The following CTNNA3 variants were observed in gnomAD, a reference collection of about 807,000 sequenced individuals.
The protein encoded by CTNNA3 is catenin alpha 3.
Under a neutral mutation model 95.7 loss-of-function variants are expected in CTNNA3, and 76 were observed. The observed-to-expected ratio is 0.79, with a 90% CI of 0.66 to 0.96. The LOEUF is 0.96. CTNNA3 is among the 40% of genes least tolerant of loss of function. The pLI is 0.00. For missense variants in CTNNA3, 1,191 were observed against 1,089.8 expected (o/e 1.09, Z -1.31); for synonymous variants, 431 against 374.4 (o/e 1.15, Z -1.74).
chr10:66,527,016 G>A (rs1017989398), intron 10 of CTNNA3, among the ~76,000 whole-genome samples: 2 of 152,024 alleles, frequency 1.3e-5, no homozygotes, highest in African/African-American at 2.4e-5. Flanking sequence ...CTGATGTCAC[G>A]AAGTGTCACT....
chr10:66,678,517 T>G (rs867984566), intron 9 of CTNNA3, among the ~76,000 whole-genome samples: 1 of 152,140 alleles, frequency 6.6e-6, no homozygotes, highest in South Asian at 2.1e-4. Flanking sequence ...AATTCAATGT[T>G]TATAAGTATG....
At chr10:66,842,728 A>G (rs975069915) in intron 7 of CTNNA3, among the ~76,000 whole-genome samples, 1 of 152,300 alleles carries the variant, frequency 6.6e-6, no homozygotes, top group African/African-American at 2.4e-5. Flanking sequence ...TTTGCATTAT[A>G]GCTAAGGGCA....
chr10:66,706,890 A>T (rs1377162312), intron 9 of CTNNA3, among the ~76,000 whole-genome samples: 1 of 152,074 alleles, frequency 6.6e-6, no homozygotes, highest in African/African-American at 2.4e-5. Context: ...ATAAAGTGTG[A>T]AATTTGTAGG....
At chr10:67,010,577 C>A (rs58083944) in intron 7 of CTNNA3, among the ~76,000 whole-genome samples, 2,460 of 152,274 alleles carry the variant, frequency 0.016, 81 homozygotes, top group African/African-American at 0.055. Context: ...TACAATCATC[C>A]TCTTTTAATA....
At chr10:66,713,288 C>T (rs1193603456) in intron 9 of CTNNA3, among the ~76,000 whole-genome samples, 1 of 152,128 alleles carries the variant, frequency 6.6e-6, no homozygotes, top group Admixed American at 6.6e-5. Context: ...GCAATTGCCT[C>T]ACTTCCCATC....
At chr10:66,360,764 CTTCCT>C (rs1564896948) in intron 12 of CTNNA3, among the ~76,000 whole-genome samples, 13 of 95,630 alleles carry the variant, frequency 1.4e-4, no homozygotes, top group East Asian at 1.3e-3. Context: ...TCCTTCCTTC[CTTCCT>C]TTTCTTTCTT....
At chr10:66,860,581 G>C (rs998054081) in intron 7 of CTNNA3, among the ~76,000 whole-genome samples, 1 of 152,132 alleles carries the variant, frequency 6.6e-6, no homozygotes, top group Non-Finnish European at 1.5e-5. Flanking sequence ...TCAGGTGCTT[G>C]TGTTTTCTAA....
chr10:67,176,359 T>C (rs935820057), intron 7 of CTNNA3, among the ~76,000 whole-genome samples: 3 of 152,184 alleles, frequency 2.0e-5, no homozygotes, highest in African/African-American at 7.2e-5. Flanking sequence ...ATCATTTCAT[T>C]CACTCTTTCA....
chr10:66,545,382 A>G (rs938871054), intron 10 of CTNNA3, among the ~76,000 whole-genome samples: 2 of 152,094 alleles, frequency 1.3e-5, no homozygotes, highest in Non-Finnish European at 2.9e-5. Flanking sequence ...CCAGATTGCT[A>G]TATGTACCTA....
At chr10:66,978,350 A>T (rs1290861133) in intron 7 of CTNNA3, among the ~76,000 whole-genome samples, 1 of 151,222 alleles carries the variant, frequency 6.6e-6, no homozygotes, top group African/African-American at 2.4e-5. Context: ...ACATGGCAAA[A>T]CCCTGTCTCT....
chr10:67,340,629 A>G (rs1842149998), intron 5 of CTNNA3, among the ~76,000 whole-genome samples: 1 of 152,248 alleles, frequency 6.6e-6, no homozygotes, highest in Non-Finnish European at 1.5e-5. Context: ...GCTCCAGGAA[A>G]GCCAATCAGG....
intron 9 of CTNNA3, among the ~76,000 whole-genome samples, chr10:66,642,850 G>C (rs967090357): frequency 6.6e-6 from 1 of 152,050 alleles, no homozygotes; most frequent in Non-Finnish European, 1.5e-5. Flanking sequence ...ACTGTTGAAG[G>C]CTCTGCTTTA....
At chr10:67,512,475 T>C (rs763563284) in intron 5 of CTNNA3, among the ~76,000 whole-genome samples, 2 of 152,200 alleles carry the variant, frequency 1.3e-5, no homozygotes, top group Admixed American at 1.3e-4. Flanking sequence ...AGTCAAGGTA[T>C]AGAAACAACC....
chr10:67,620,341 G>A (rs974966421), intron 2 of CTNNA3, among the ~76,000 whole-genome samples: 4 of 151,988 alleles, frequency 2.6e-5, no homozygotes, highest in African/African-American at 7.3e-5. Flanking sequence ...CCAGCCACTC[G>A]GCAGGCACTA....
rs924874620 is a variant in CTNNA3 at position 65,917,788 on chromosome 10, G to A, written c.*2542C>T. 2.7e-5 allele frequency: 3 copies of A among 112,610 alleles called. No individual in the cohort carries two copies. The highest frequency in any genetic ancestry group is 5.8e-5 in the Non-Finnish European group (3 of 51,936). The allele number at this position is 112,610 out of a possible 1,614,324, so 7.0% of individuals were successfully genotyped here. On this transcript the variant is annotated 3_prime_UTR_variant, in exon 18 of 18. Coordinates refer to ENST00000433211, the MANE Select transcript of CTNNA3 (RefSeq NM_013266.4). ...AGAAGAAATACCTAAATATAAATGT[G>A]TCATGCTGATTAGTTTTTAACATAA...
At chr10:67,118,763 TC>T (rs1345908286) in intron 7 of CTNNA3, among the ~76,000 whole-genome samples, 1 of 151,848 alleles carries the variant, frequency 6.6e-6, no homozygotes, top group Non-Finnish European at 1.5e-5. Flanking sequence ...GTCTCCCCTC[TC>T]ATGAACTAAG....
intron 3 of CTNNA3, among the ~76,000 whole-genome samples, chr10:67,591,574 T>C (rs1842788058): frequency 6.6e-6 from 1 of 152,104 alleles, no homozygotes; most frequent in Non-Finnish European, 1.5e-5. Context: ...CAATGTCACA[T>C]AGACATAGCT....
rs190374347 is a variant in CTNNA3 at position 66,485,813 on chromosome 10, G to A, written c.1531+34804C>T. On this transcript the variant is annotated intron_variant, in intron 11 of 17. Coordinates refer to ENST00000433211, the MANE Select transcript of CTNNA3 (RefSeq NM_013266.4). ...AATCCTGAGTAAAATAACAAACCTA[G>A]AGGCATCACACTATCTGACTTCAAG... Among the ~76,000 whole-genome samples the A allele has an allele frequency of 4.7e-4, 72 of 152,156 alleles. 1 individual carries two copies. Among genetic ancestry groups the A allele is most frequent in the African/African-American group, 1.4e-3 (59 of 41,512 alleles).
intron 5 of CTNNA3, among the ~76,000 whole-genome samples, chr10:67,288,130 T>A (rs1381435583): frequency 6.6e-6 from 1 of 152,184 alleles, no homozygotes; most frequent in Non-Finnish European, 1.5e-5. Flanking sequence ...TCTGTAAAAT[T>A]TTTTCCCTGG....
Sources: gnomAD v4.1 joint callset for allele counts (sites outside exome capture counted in the v4.1 genomes callset) on GRCh38, gnomAD v4.1.1 for gene constraint, MANE v1.5 for transcripts, NCBI Gene and HGNC (gene_info 2026-07-23, HGNC 2026-07-21) for gene names.